Variants in KCNT2 observed in about 807,000 individuals in gnomAD.
The protein encoded by KCNT2 is potassium sodium-activated channel subfamily T member 2, also known as potassium channel subfamily T member 2.
In KCNT2, 67 loss-of-function variants were observed where a neutral mutation model predicts 153.8. That is an observed-to-expected ratio of 0.44 (90% CI 0.36 to 0.53). The LOEUF (loss-of-function observed/expected upper bound fraction) is 0.53, where lower values mean the gene tolerates loss of function less well. Ranked by LOEUF, KCNT2 falls within the 20% of genes least tolerant of loss-of-function variation. The probability of loss-of-function intolerance (pLI) is 0.00; values close to 1 mark genes in which losing one functional copy is unlikely to be tolerated. For synonymous variants in KCNT2, 500 were observed against 458.8 expected (o/e 1.09, Z -1.15); for missense variants, 975 against 1,354.8 (o/e 0.72, Z 4.40).
At chr1:196,305,147 C>T in intron 22 of KCNT2, 87 bp downstream of exon 22, 1 of 783,420 alleles carries the variant, frequency 1.3e-6, no homozygotes. Flanking sequence ...GTTTTACTAT[C>T]TCATGGCATT....
intron 14 of KCNT2, among the ~76,000 whole-genome samples, chr1:196,359,299 T>C (rs1667429751): frequency 6.6e-6 from 1 of 152,024 alleles, no homozygotes; most frequent in African/African-American, 2.4e-5. Context: ...ACAGAAAATA[T>C]TGCTTTGTTT....
chr1:196,344,848 T>C (rs1474219937), intron 14 of KCNT2, among the ~76,000 whole-genome samples: 1 of 152,128 alleles, frequency 6.6e-6, no homozygotes, highest in Non-Finnish European at 1.5e-5. Context: ...GGCAGCATCT[T>C]TTTTTAGGAT....
At chr1:196,534,188 T>A (rs747696188) in intron 1 of KCNT2, among the ~76,000 whole-genome samples, 5 of 152,168 alleles carry the variant, frequency 3.3e-5, no homozygotes, top group Non-Finnish European at 5.9e-5. Flanking sequence ...TTCCCATATC[T>A]CATGGTTATC....
intron 21 of KCNT2, among the ~76,000 whole-genome samples, chr1:196,308,679 T>C (rs908625544): frequency 2.6e-5 from 4 of 151,982 alleles, no homozygotes; most frequent in Non-Finnish European, 5.9e-5. Context: ...AGAGACAAAA[T>C]AGTATGTTCA....
intron 8 of KCNT2, among the ~76,000 whole-genome samples, chr1:196,447,798 T>C (rs1675824559): frequency 1.5e-5 from 2 of 137,732 alleles, no homozygotes; most frequent in Admixed American, 1.5e-4. Context: ...ATTAACAACG[T>C]TTTTTTGGAC....
chr1:196,333,083 C>G (rs1664647243), intron 17 of KCNT2, among the ~76,000 whole-genome samples: 1 of 151,402 alleles, frequency 6.6e-6, no homozygotes, highest in Non-Finnish European at 1.5e-5. Context: ...AGCCACTGTG[C>G]CCAGCTGCAA....
intron 23 of KCNT2, among the ~76,000 whole-genome samples, chr1:196,284,514 G>T (rs1659474468): frequency 6.6e-6 from 1 of 151,370 alleles, no homozygotes; most frequent in Non-Finnish European, 1.5e-5. Flanking sequence ...AACTACTGGT[G>T]CATAATGGTA....
chr1:196,413,844 G>T (rs964812756), intron 12 of KCNT2, among the ~76,000 whole-genome samples: 2 of 151,352 alleles, frequency 1.3e-5, no homozygotes, highest in African/African-American at 4.8e-5. Context: ...TATTTGTAAT[G>T]CTTATTAATT....
intron 1 of KCNT2, among the ~76,000 whole-genome samples, chr1:196,555,508 G>A (rs896863868): frequency 6.6e-6 from 1 of 150,790 alleles, no homozygotes; most frequent in East Asian, 1.9e-4. Context: ...AAGAGGACAC[G>A]AAAATAATGA....
intron 1 of KCNT2, among the ~76,000 whole-genome samples, chr1:196,567,965 G>A (rs1396069684): frequency 2.0e-5 from 3 of 152,248 alleles, no homozygotes; most frequent in African/African-American, 7.2e-5. Context: ...TAATATTGCA[G>A]CATAGAAGTC....
At chr1:196,534,252 C>T (rs1245563250) in intron 1 of KCNT2, among the ~76,000 whole-genome samples, 1 of 152,086 alleles carries the variant, frequency 6.6e-6, no homozygotes, top group Non-Finnish European at 1.5e-5. Context: ...TATATTTATG[C>T]TTTGAGAGAA....
intron 20 of KCNT2, 33 bp downstream of exon 20, chr1:196,319,451 A>G: frequency 6.7e-7 from 1 of 1,496,576 alleles, no homozygotes; most frequent in Non-Finnish European, 9.3e-7. Context: ...AGGACACTAC[A>G]CTAGTTAGTG....
At chr1:196,266,589 T>C (rs1403268121) in intron 25 of KCNT2, among the ~76,000 whole-genome samples, 4 of 152,122 alleles carry the variant, frequency 2.6e-5, no homozygotes, top group African/African-American at 4.8e-5. Flanking sequence ...GCATTTTCTG[T>C]CTTCTCAATA....
chr1:196,484,476 T>G (rs1679259356), intron 3 of KCNT2, among the ~76,000 whole-genome samples: 1 of 152,132 alleles, frequency 6.6e-6, no homozygotes, highest in Non-Finnish European at 1.5e-5. Context: ...GTAGGTTGCC[T>G]GATATTCACT....
chr1:196,322,606 C>A (rs1663435105), intron 19 of KCNT2, among the ~76,000 whole-genome samples: 1 of 151,738 alleles, frequency 6.6e-6, no homozygotes, highest in African/African-American at 2.4e-5. Context: ...GCAAAAGTTG[C>A]CATCCAAATA....
At chr1:196,487,939 C>T (rs1679563426) in intron 3 of KCNT2, among the ~76,000 whole-genome samples, 1 of 151,966 alleles carries the variant, frequency 6.6e-6, no homozygotes, top group Non-Finnish European at 1.5e-5. Context: ...GAACTGTAAG[C>T]ATCAGCAGGC....
At chr1:196,596,056 G>GTATATATATATATATATATA (rs1174131733) in intron 1 of KCNT2, among the ~76,000 whole-genome samples, 12 of 4,308 alleles carry the variant, frequency 2.8e-3, no homozygotes, top group African/African-American at 3.3e-3. Flanking sequence ...TCCATGATGT[G>GTATATATATATATATATATA]TATATATATA....
intron 5 of KCNT2, among the ~76,000 whole-genome samples, chr1:196,469,541 C>T (rs1379632130): frequency 6.6e-6 from 1 of 152,092 alleles, no homozygotes; most frequent in Non-Finnish European, 1.5e-5. Context: ...CTTTTTCAAT[C>T]ATCTAGACTC....
At chr1:196,444,147 G>A (rs766059689) in intron 8 of KCNT2, among the ~76,000 whole-genome samples, 5 of 151,156 alleles carry the variant, frequency 3.3e-5, no homozygotes, top group Non-Finnish European at 7.4e-5. Flanking sequence ...GAGTGTATGT[G>A]TGGGTCTACA....
Sources: allele counts gnomAD v4.1 joint callset (sites outside exome capture counted in the v4.1 genomes callset), GRCh38; gene constraint gnomAD v4.1.1; transcripts MANE v1.5; gene names NCBI Gene and HGNC (gene_info 2026-07-23, HGNC 2026-07-21).